Variants in LRRC28 observed in about 807,000 individuals in gnomAD.
LRRC28 encodes the protein leucine rich repeat containing 28, also known as leucine-rich repeat-containing protein 28.
Under a neutral mutation model 45.7 loss-of-function variants are expected in LRRC28, and 39 were observed. The observed-to-expected ratio is 0.85, with a 90% CI of 0.66 to 1.12. LRRC28 has a LOEUF of 1.12. Ranked by LOEUF, LRRC28 falls within the 50% of genes most tolerant of loss-of-function variation. The pLI is 0.00. For missense variants in LRRC28, 435 were observed against 438.5 expected, an observed-to-expected ratio of 0.99 and a Z score of 0.07; for synonymous variants, 206 against 178.8, an observed-to-expected ratio of 1.15 and a Z score of -1.22.
chr15:99,312,593 AGTT>A (rs1417766577), intron 5 of LRRC28, among the ~76,000 whole-genome samples: 1 of 152,186 alleles, frequency 6.6e-6, no homozygotes, highest in African/African-American at 2.4e-5. Context: ...CCAGTAACAG[AGTT>A]GTTTATTATC....
At chr15:99,277,179 T>G (rs965557118) in intron 3 of LRRC28, among the ~76,000 whole-genome samples, 14 of 152,284 alleles carry the variant, frequency 9.2e-5, no homozygotes, top group African/African-American at 3.4e-4. Context: ...CTTAGCTACC[T>G]CTTAATTTTT....
At chr15:99,292,392 C>T (rs1212411150) in intron 5 of LRRC28, among the ~76,000 whole-genome samples, 1 of 137,212 alleles carries the variant, frequency 7.3e-6, no homozygotes, top group Non-Finnish European at 1.5e-5. Flanking sequence ...GAGTCTCGCT[C>T]TGTCGCCCAG....
intron 3 of LRRC28, among the ~76,000 whole-genome samples, chr15:99,277,219 A>T (rs1377328305): frequency 6.6e-6 from 1 of 151,320 alleles, no homozygotes; most frequent in East Asian, 1.9e-4. Context: ...TATTTCTTGT[A>T]CTCTTTGTTA....
chr15:99,281,442 A>G (rs181728290), intron 3 of LRRC28, among the ~76,000 whole-genome samples: 261 of 151,108 alleles, frequency 1.7e-3, no homozygotes, highest in Non-Finnish European at 3.0e-3. Context: ...GATATTTGGA[A>G]GTTCTGTTTA....
intron 6 of LRRC28, among the ~76,000 whole-genome samples, chr15:99,342,663 C>T (rs1183505266): frequency 6.6e-6 from 1 of 152,188 alleles, no homozygotes; most frequent in Non-Finnish European, 1.5e-5. Context: ...CCAGCCCATT[C>T]CTTGTGATCT....
At chr15:99,259,607 C>T (rs771538772) in intron 2 of LRRC28, 30 of 1,496,908 alleles carry the variant, frequency 2.0e-5, no homozygotes, top group African/African-American at 2.8e-5. Flanking sequence ...CATGAAAGCA[C>T]AAGCGTACCA....
At chr15:99,287,364 T>G in intron 4 of LRRC28, 70 bp downstream of exon 4, 5 of 1,200,982 alleles carry the variant, frequency 4.2e-6, no homozygotes, top group Non-Finnish European at 5.7e-6. Flanking sequence ...ATAGATCAAA[T>G]TTTATTTTTA....
At chr15:99,275,205 A>C (rs987829848) in intron 2 of LRRC28, among the ~76,000 whole-genome samples, 11 of 152,248 alleles carry the variant, frequency 7.2e-5, no homozygotes, top group Non-Finnish European at 1.3e-4. Context: ...TCCACTACCC[A>C]GTACCTCCAG....
chr15:99,308,205 G>T (rs1217718502), intron 5 of LRRC28, among the ~76,000 whole-genome samples: 1 of 152,126 alleles, frequency 6.6e-6, no homozygotes, highest in Non-Finnish European at 1.5e-5. Flanking sequence ...AATTCTCGAG[G>T]CTCTGAGAGA....
At chr15:99,294,833 T>G (rs1012366576) in intron 5 of LRRC28, among the ~76,000 whole-genome samples, 4 of 152,210 alleles carry the variant, frequency 2.6e-5, no homozygotes, top group African/African-American at 9.6e-5. Context: ...CTTACAGCCT[T>G]TTCATCTTTG....
intron 5 of LRRC28, among the ~76,000 whole-genome samples, chr15:99,307,018 C>T (rs1481380644): frequency 6.6e-6 from 1 of 152,176 alleles, no homozygotes; most frequent in Admixed American, 6.5e-5. Context: ...GTTTCTTCAG[C>T]GTCTGCCATT....
chr15:99,256,333 G>A, intron 2 of LRRC28: 1 of 400,730 alleles, frequency 2.5e-6, no homozygotes, highest in South Asian at 6.5e-5. Flanking sequence ...GAGAAGTTGT[G>A]TAGGAAAGCA....
chr15:99,361,625 A>G, intron 8 of LRRC28, 114 bp downstream of exon 8: 4 of 1,035,118 alleles, frequency 3.9e-6, no homozygotes, highest in Non-Finnish European at 4.2e-6. Flanking sequence ...TAAAATACAC[A>G]TAACACGAAA....
At chr15:99,295,423 A>C (rs2152230668) in intron 5 of LRRC28, among the ~76,000 whole-genome samples, 1 of 152,322 alleles carries the variant, frequency 6.6e-6, no homozygotes, top group African/African-American at 2.4e-5. Context: ...CCTAGAAATA[A>C]AGGATTGTTG....
At position 99,363,232 on chromosome 15, in the gene LRRC28, T is replaced by A; in HGVS notation, c.998T>A (p.Leu333Ter). 6.2e-7 allele frequency: 1 copy of A among 1,613,966 alleles called. No individual in the cohort carries two copies. Among genetic ancestry groups the A allele is most frequent in the Non-Finnish European group, 8.5e-7 (1 of 1,179,874 alleles). Reference protein sequence around the residue: ...FTIVYPKLFPLRETPMAGLHQ... With the variant: ...FTIVYPKLFP ...ATCGTCTACCCCAAGCTCTTTCCCT[T>A]GAGAGAGACGCCAATGGCAGGGCTG... Residue 333 changes from leucine (L) to a stop codon, truncating the protein, a stop_gained, in exon 9 of 10, where the codon TTG becomes TAG. Coordinates refer to ENST00000301981, the MANE Select transcript of LRRC28 (RefSeq NM_144598.5). LOFTEE classifies it high-confidence loss of function.
rs762331084 is a variant in LRRC28 at position 99,256,092 on chromosome 15, A to G, written c.135A>G (p.Arg45=). The G allele has an allele frequency of 5.6e-6, 9 of 1,611,674 alleles. No individual in the cohort carries two copies. In the South Asian group the frequency reaches 9.9e-5, roughly 18 times the overall value. ...ATGAGGGACTGCAGTACTTGGAGAGACTCTATATGAAAAGGAACTCCCTGA... is the reference window on the plus strand; with the variant it reads ...ATGAGGGACTGCAGTACTTGGAGAGGCTCTATATGAAAAGGAACTCCCTGA... The part of the protein sequence containing the change: ...LKDEGLQYLE[R]LYMKRNSLTS... Residue 45 remains arginine (R), a synonymous_variant, in exon 2 of 10, where the codon AGA becomes AGG. Coordinates refer to ENST00000301981, the MANE Select transcript of LRRC28 (RefSeq NM_144598.5).
rs527675519 is a variant in LRRC28, at chr15:99,303,336, CTTA to C, written c.385+15391_385+15393del. The stretch of plus-strand genomic sequence containing the variant: ...ATTTTTAAATTGAGTTGTTTATTTT[CTTA>C]TTATTGTATTGTAAGAGTTCTTTAT... On this transcript the variant is annotated intron_variant, in intron 5 of 9. Coordinates refer to ENST00000301981, the MANE Select transcript of LRRC28 (RefSeq NM_144598.5). Among the ~76,000 whole-genome samples the C allele has an allele frequency of 1.6e-4, 24 of 152,054 alleles. No homozygotes were observed. In the South Asian group the frequency reaches 4.2e-3, roughly 26 times the overall value.
intron 2 of LRRC28, among the ~76,000 whole-genome samples, chr15:99,274,541 G>A (rs923583688): frequency 6.6e-6 from 1 of 152,118 alleles, no homozygotes; most frequent in Admixed American, 6.5e-5. Flanking sequence ...TTAATCAATT[G>A]TATAACAGCT....
At chr15:99,289,695 A>G (rs1271644097) in intron 5 of LRRC28, among the ~76,000 whole-genome samples, 1 of 151,944 alleles carries the variant, frequency 6.6e-6, no homozygotes, top group Non-Finnish European at 1.5e-5. Context: ...GCACTTTGGG[A>G]GGCCGAGGCG....
Sources: gnomAD v4.1 joint callset for allele counts (sites outside exome capture counted in the v4.1 genomes callset) on GRCh38, gnomAD v4.1.1 for gene constraint, MANE v1.5 for transcripts, NCBI Gene and HGNC (gene_info 2026-07-23, HGNC 2026-07-21) for gene names.